Variants in ZNF251 observed in about 807,000 individuals in gnomAD.
ZNF251 encodes the protein zinc finger protein 251.
A neutral mutation model predicts 13.5 loss-of-function variants in ZNF251; 14 were observed. The observed-to-expected ratio is 1.04, with a 90% CI of 0.69 to 1.63. The LOEUF (loss-of-function observed/expected upper bound fraction) is 1.63. Ranked by LOEUF, ZNF251 falls within the 40% of genes most tolerant of loss-of-function variation. The probability of loss-of-function intolerance (pLI) is 0.00; values close to 1 mark genes in which losing one functional copy is unlikely to be tolerated. For synonymous variants in ZNF251, 287 were observed against 295.2 expected, an observed-to-expected ratio of 0.97 and a Z score of 0.28; for missense variants, 764 against 834.9, an observed-to-expected ratio of 0.92 and a Z score of 1.05.
At chr8:144,742,274 A>C (rs1425713216) in intron 4 of ZNF251, among the ~76,000 whole-genome samples, 2 of 152,196 alleles carry the variant, frequency 1.3e-5, no homozygotes, top group Non-Finnish European at 2.9e-5. Context: ...CTGGGGCAGC[A>C]GACTCGCACC....
intron 3 of ZNF251, 143 bp downstream of exon 3, chr8:144,754,049 G>A: frequency 7.9e-6 from 10 of 1,272,720 alleles, no homozygotes; most frequent in Non-Finnish European, 9.5e-6. Flanking sequence ...TTTCCCATGG[G>A]AAATGTTCCT....
In ZNF251 at chr8:144,724,902, G is replaced by A. The variant is rs368634167; in HGVS notation, c.278-1520C>T. On this transcript the variant is annotated intron_variant, in intron 4 of 4. Transcript: ENST00000292562. ...CTTCCTTAACTGTTTAGTACAAGTC[G>A]GTGAAGCCATCTGGGCTTGGCATTT... Among the ~76,000 whole-genome samples, 52 of 152,260 alleles carry A rather than the reference G, an allele frequency of 3.4e-4. No individual in the cohort carries two copies. In the South Asian group the frequency reaches 9.7e-3, roughly 29 times the overall value.
Position 144,722,388 on chromosome 8 carries a change from T to TA in ZNF251, c.1271dup (p.Arg425LysfsTer12). The TA allele has an allele frequency of 6.2e-7, 1 of 1,613,828 alleles. No homozygotes were observed. Among genetic ancestry groups the TA allele is most frequent in the Non-Finnish European group, 8.5e-7 (1 of 1,179,854 alleles). ...AGGGTTTTTCTCCTGTGTGAATCCT[T>TA]ACGTGTTCAGTAAGATGAGAGTTAA... On this transcript the variant is annotated frameshift_variant, in exon 5 of 5. Transcript: ENST00000292562. LOFTEE classifies it low-confidence loss of function (END_TRUNC). This position sits in a 1 kb window ranked among gnomAD's most constrained non-coding sequence, Gnocchi z 4.8.
chr8:144,727,422 A>G (rs1407036149), intron 4 of ZNF251, among the ~76,000 whole-genome samples: 1 of 152,224 alleles, frequency 6.6e-6, no homozygotes, highest in Non-Finnish European at 1.5e-5. Flanking sequence ...AAAATCTATT[A>G]TTCAGTGTAG....
intron 4 of ZNF251, among the ~76,000 whole-genome samples, chr8:144,732,903 G>A (rs1427599891): frequency 1.3e-5 from 2 of 151,366 alleles, no homozygotes; most frequent in Non-Finnish European, 2.9e-5. Flanking sequence ...ACTAGCAGCA[G>A]TAATAATTTG....
At chr8:144,746,242 GACC>G (rs1331785845) in intron 4 of ZNF251, among the ~76,000 whole-genome samples, 2 of 152,310 alleles carry the variant, frequency 1.3e-5, no homozygotes, top group Middle Eastern at 3.4e-3. Flanking sequence ...CTACTGATAT[GACC>G]ACATGATCTT....
At chr8:144,754,397 G>C in intron 2 of ZNF251, 76 bp from the exon 3 acceptor site, 1 of 1,485,116 alleles carries the variant, frequency 6.7e-7, no homozygotes, top group Non-Finnish European at 9.0e-7. Flanking sequence ...CTGACCTGGT[G>C]GGGCCCCACT....
In ZNF251 at chr8:144,722,234, G is replaced by C; in HGVS notation, c.1426C>G (p.Leu476Val). The change falls in exon 5 of 5, where the codon CTC becomes GTC. Residue 476 changes from leucine to valine, a missense_variant. By Grantham distance (32) the Leu-to-Val change is conservative (BLOSUM62 1). Coordinates refer to ENST00000292562, the MANE Select transcript of ZNF251 (RefSeq NM_138367.2). This position sits in a 1 kb window ranked among gnomAD's most constrained non-coding sequence, Gnocchi z 4.8. Reference sequence around the variant, plus strand: ...GTGTGAACTCGCTGATGTAGGGTGAGCTGGGAGCTCTGGCTGAAAGCTTTC... The same window carrying C: ...GTGTGAACTCGCTGATGTAGGGTGACCTGGGAGCTCTGGCTGAAAGCTTTC... ...CGKAFSQSSQLTLHQRVHTGE... is the reference protein window; with the variant it reads ...CGKAFSQSSQVTLHQRVHTGE... 6.2e-7 allele frequency: 1 copy of C among 1,613,566 alleles called. No homozygotes were observed.
chr8:144,744,264 G>A (rs978987569), intron 4 of ZNF251, among the ~76,000 whole-genome samples: 4 of 151,842 alleles, frequency 2.6e-5, no homozygotes, highest in South Asian at 2.1e-4. Flanking sequence ...TGCCTGCCTC[G>A]GCCTCCCAAA....
At chr8:144,729,946 A>C (rs1431651129) in intron 4 of ZNF251, 3 of 624,958 alleles carry the variant, frequency 4.8e-6, no homozygotes, top group Non-Finnish European at 6.0e-6. Flanking sequence ...AAAGATGTTC[A>C]ATTGTAACAG....
intron 4 of ZNF251, among the ~76,000 whole-genome samples, chr8:144,740,198 T>A (rs1177708044): frequency 6.6e-6 from 1 of 152,050 alleles, no homozygotes; most frequent in African/African-American, 2.4e-5. Context: ...GGCAGGAGAA[T>A]GGCTTGAACC....
intron 3 of ZNF251, 32 bp downstream of exon 3, chr8:144,754,160 C>T: frequency 1.3e-6 from 2 of 1,599,360 alleles, no homozygotes; most frequent in African/African-American, 1.3e-5. Context: ...GAGGCCCCCA[C>T]TGCGAACCAG....
Position 144,723,257 on chromosome 8 carries a change from C to A in ZNF251, c.403G>T (p.Glu135Ter), listed in dbSNP as rs887789779. 2.9e-5 allele frequency: 46 copies of A among 1,613,052 alleles called. No individual in the cohort carries two copies. Among genetic ancestry groups the A allele is most frequent in the Non-Finnish European group, 3.8e-5 (45 of 1,179,580 alleles). Residue 135 changes from glutamate (E) to a stop codon, truncating the protein, a stop_gained, in exon 5 of 5, where the codon GAA (glutamate) becomes TAA (stop). Transcript: ENST00000292562. LOFTEE classifies it low-confidence loss of function (END_TRUNC). ...RDNAQAAEFR[E>*]AWGREGKLKE... Reference sequence around the variant, plus strand: ...AGTTTGCCCTCACGGCCCCATGCTTCCCGAAACTCAGCGGCCTGTGCATTA... The same window carrying A: ...AGTTTGCCCTCACGGCCCCATGCTTACCGAAACTCAGCGGCCTGTGCATTA...
chr8:144,724,469 T>G (rs1274462695), intron 4 of ZNF251, among the ~76,000 whole-genome samples: 1 of 152,058 alleles, frequency 6.6e-6, no homozygotes, highest in Non-Finnish European at 1.5e-5. Context: ...TAGCTGGGAC[T>G]ACAGGTGCAG....
chr8:144,737,400 G>A (rs1020650523), intron 4 of ZNF251, among the ~76,000 whole-genome samples: 1 of 152,032 alleles, frequency 6.6e-6, no homozygotes, highest in Non-Finnish European at 1.5e-5. Context: ...GGAGCTACTC[G>A]GGAGGCTGAG....
At chr8:144,739,791 A>G (rs1824073429) in intron 4 of ZNF251, among the ~76,000 whole-genome samples, 1 of 151,994 alleles carries the variant, frequency 6.6e-6, no homozygotes, top group African/African-American at 2.4e-5. Context: ...CCCACTCAGG[A>G]GGCTGAGGCG....
intron 4 of ZNF251, among the ~76,000 whole-genome samples, chr8:144,742,878 A>G (rs1277194236): frequency 6.6e-6 from 1 of 152,298 alleles, no homozygotes; most frequent in East Asian, 1.9e-4. Flanking sequence ...ATATGAAGCC[A>G]GCCCTCTGGA....
At chr8:144,738,575 A>G (rs1234198310) in intron 4 of ZNF251, 4 of 985,332 alleles carry the variant, frequency 4.1e-6, no homozygotes, top group Non-Finnish European at 1.2e-6. Context: ...TGGAGGACCA[A>G]TCAGTCAAAT....
Position 144,721,437 on chromosome 8 carries a change from C to T in ZNF251, c.*207G>A. 1 of 484,448 alleles carries T rather than the reference C, an allele frequency of 2.1e-6. No individual in the cohort carries two copies. Among genetic ancestry groups the T allele is most frequent in the East Asian group, 3.5e-5 (1 of 28,472 alleles). The allele number at this position is 484,448 out of a possible 1,614,324, so 30.0% of individuals were successfully genotyped here. The stretch of plus-strand genomic sequence containing the variant: ...CACCACACGGTTCAACTCCTGAGCA[C>T]AGCAGTAACCTTTACACAGACAGCC... On this transcript the variant is annotated 3_prime_UTR_variant, in exon 5 of 5. Transcript: ENST00000292562.
Sources: allele counts gnomAD v4.1 joint callset (sites outside exome capture counted in the v4.1 genomes callset), GRCh38; gene constraint gnomAD v4.1.1; non-coding constraint Gnocchi (gnomAD v3.1); transcripts MANE v1.5; gene names NCBI Gene and HGNC (gene_info 2026-07-23, HGNC 2026-07-21).